The following TEX14 variants were observed in gnomAD, a reference collection of about 807,000 sequenced individuals.
The protein encoded by TEX14 is inactive serine/threonine-protein kinase TEX14.
Under a neutral mutation model 178.6 loss-of-function variants are expected in TEX14, and 168 were observed. The observed-to-expected ratio is 0.94, with a 90% CI of 0.83 to 1.07. TEX14 has a LOEUF of 1.07. TEX14 is among the 50% of genes least tolerant of loss of function. The pLI is 0.00. For synonymous variants in TEX14, 626 were observed against 634.1 expected (o/e 0.99, Z 0.19); for missense variants, 1,730 against 1,753.6 (o/e 0.99, Z 0.24).
chr17:58,620,864 A>G (rs2045982009), intron 5 of TEX14, among the ~76,000 whole-genome samples: 2 of 152,090 alleles, frequency 1.3e-5, no homozygotes, highest in African/African-American at 4.8e-5. Flanking sequence ...GGCACGCAGC[A>G]CAGCCGTTAG....
chr17:58,581,610 C>T, intron 19 of TEX14: 2 of 1,613,230 alleles, frequency 1.2e-6, no homozygotes, highest in Non-Finnish European at 8.5e-7. Flanking sequence ...GCGTTTTTTA[C>T]CTCTAGAGCT....
intron 2 of TEX14, among the ~76,000 whole-genome samples, chr17:58,640,713 C>T (rs540361296): frequency 1.1e-4 from 17 of 150,954 alleles, no homozygotes; most frequent in African/African-American, 3.6e-4. Flanking sequence ...AACAGAGAGA[C>T]GTGGTGGCTA....
chr17:58,597,625 A>G (rs967539064), intron 14 of TEX14, among the ~76,000 whole-genome samples: 3 of 152,122 alleles, frequency 2.0e-5, no homozygotes, highest in African/African-American at 7.2e-5. Flanking sequence ...ACTGGGCTTG[A>G]GCTTCACACT....
Position 58,624,427 on chromosome 17 carries a change from G to A in TEX14, c.252-1415C>T, listed in dbSNP as rs142177072. ...GTGATCTCGGCTCACTGCAACCTCC[G>A]CCTCCTAGGCTCAAGTGGTTCTTCT... On this transcript the variant is annotated intron_variant, in intron 3 of 31. Coordinates refer to ENST00000349033, the MANE Select transcript of TEX14 (RefSeq NM_031272.5). 3.2e-3 allele frequency among the ~76,000 whole-genome samples: 439 copies of A among 135,406 alleles called. 2 individuals carry two copies. The highest frequency in any genetic ancestry group is 0.012 in the African/African-American group (425 of 36,496). The allele number at this position is 135,406 out of a possible 152,430, so 88.8% of individuals were successfully genotyped here. A position where few individuals can be genotyped will look rare whatever the true frequency, so the allele number is the denominator to read the frequency against.
chr17:58,659,310 T>TA, intron 1 of TEX14: 1 of 976,190 alleles, frequency 1.0e-6, no homozygotes, highest in Non-Finnish European at 1.2e-6. Context: ...AGACATTATT[T>TA]ACTTAATATT....
At chr17:58,623,803 G>GGAGGAGGGGGAGGGAA (rs1759814901) in intron 3 of TEX14, among the ~76,000 whole-genome samples, 1 of 147,318 alleles carries the variant, frequency 6.8e-6, no homozygotes, top group Non-Finnish European at 1.5e-5. Flanking sequence ...ATGAAGAAGA[G>GGAGGAGGGGGAGGGAA]GAGGAGGGGG....
chr17:58,645,419 C>T lies in TEX14; in HGVS notation c.136+6447G>A, dbSNP rs532832349. ...TGCTGCCCAGGCTGGAGTGCAGTGG[C>T]GCGATCTCGGCTCACTGCAAGCTCC... is the stretch of plus-strand genomic sequence containing the variant. On this transcript the variant is annotated intron_variant, in intron 2 of 31. Transcript: ENST00000349033. Among the ~76,000 whole-genome samples, 8 of 151,716 alleles carry T rather than the reference C, an allele frequency of 5.3e-5. No homozygotes were observed. The East Asian group carries it at 9.7e-4, about 18-fold the overall frequency.
chr17:58,685,678 G>A (rs2047578832), intron 1 of TEX14, among the ~76,000 whole-genome samples: 1 of 151,766 alleles, frequency 6.6e-6, no homozygotes, highest in Non-Finnish European at 1.5e-5. Context: ...GCCTTATTAA[G>A]AAATTTGGTC....
At chr17:58,683,970 C>G (rs758452430) in intron 1 of TEX14, among the ~76,000 whole-genome samples, 9 of 151,912 alleles carry the variant, frequency 5.9e-5, no homozygotes, top group Non-Finnish European at 8.8e-5. Context: ...GAGGCTGAGG[C>G]AGAAGAACTG....
intron 19 of TEX14, chr17:58,581,867 C>A: frequency 1.1e-6 from 1 of 918,274 alleles, no homozygotes; most frequent in Non-Finnish European, 1.6e-6. Context: ...ACTCTCCCTA[C>A]CTCTTTGTGC....
Position 58,619,209 on chromosome 17 carries a change from G to A in TEX14, c.555-1590C>T, listed in dbSNP as rs762279475. On this transcript the variant is annotated intron_variant, in intron 5 of 31. Coordinates refer to ENST00000349033, the MANE Select transcript of TEX14 (RefSeq NM_031272.5). ...AGTACATGGCTCTTTGGAGGGGAGA[G>A]TTCTTTCTAAGCAAAAGAGCCGAGT... Among the ~76,000 whole-genome samples, 5 of 152,328 alleles carry A rather than the reference G, an allele frequency of 3.3e-5. No individual in the cohort carries two copies. The South Asian group carries it at 8.3e-4, about 25-fold the overall frequency.
At chr17:58,679,693 G>C (rs899923601) in intron 1 of TEX14, 1 of 152,116 alleles carries the variant, frequency 6.6e-6, no homozygotes, top group Non-Finnish European at 1.5e-5. Context: ...TTAAGTATGA[G>C]TCCCCAGCGC....
At chr17:58,666,309 C>T (rs1308627581) in intron 1 of TEX14, among the ~76,000 whole-genome samples, 1 of 151,982 alleles carries the variant, frequency 6.6e-6, no homozygotes, top group Admixed American at 6.6e-5. Flanking sequence ...GATTGCTCCA[C>T]TGCACTCCAG....
chr17:58,649,472 C>T (rs1478952161), intron 2 of TEX14, among the ~76,000 whole-genome samples: 1 of 152,118 alleles, frequency 6.6e-6, no homozygotes, highest in Non-Finnish European at 1.5e-5. Flanking sequence ...GCCCCTTATT[C>T]TGCACTCTGA....
chr17:58,650,171 C>A (rs1045794446), intron 2 of TEX14, among the ~76,000 whole-genome samples: 2 of 152,028 alleles, frequency 1.3e-5, no homozygotes, highest in African/African-American at 2.4e-5. Context: ...GATTCTCCTG[C>A]CTCAGCCTCC....
intron 1 of TEX14, among the ~76,000 whole-genome samples, chr17:58,655,332 C>T (rs949690049): frequency 9.2e-5 from 14 of 152,018 alleles, no homozygotes; most frequent in East Asian, 1.9e-4. Flanking sequence ...TACAGGCACG[C>T]ACCACAATGC....
At chr17:58,658,949 C>T (rs572213589) in intron 1 of TEX14, among the ~76,000 whole-genome samples, 2 of 151,762 alleles carry the variant, frequency 1.3e-5, no homozygotes, top group African/African-American at 4.9e-5. Context: ...GTGCGTACCA[C>T]ATCAGTCTGG....
chr17:58,602,692 T>C, intron 11 of TEX14, 102 bp from the exon 12 acceptor site: 1 of 811,016 alleles, frequency 1.2e-6, no homozygotes, highest in African/African-American at 1.7e-5. Context: ...GCAAGTCACT[T>C]AACTTCTTTA....
chr17:58,639,871 C>G (rs1284800195), intron 2 of TEX14, among the ~76,000 whole-genome samples: 1 of 152,178 alleles, frequency 6.6e-6, no homozygotes, highest in Non-Finnish European at 1.5e-5. Flanking sequence ...GACTGAGACC[C>G]AGCATTTAAG....
Sources: allele counts gnomAD v4.1 joint callset (sites outside exome capture counted in the v4.1 genomes callset), GRCh38; gene constraint gnomAD v4.1.1; transcripts MANE v1.5; gene names NCBI Gene and HGNC (gene_info 2026-07-23, HGNC 2026-07-21).